Variants in ADAMTS19 observed in about 807,000 individuals in gnomAD.
ADAMTS19 encodes ADAM metallopeptidase with thrombospondin type 1 motif 19.
In ADAMTS19, 93 loss-of-function variants were observed where a neutral mutation model predicts 153.3. That is an observed-to-expected ratio of 0.61 (90% CI 0.51 to 0.72). The LOEUF (loss-of-function observed/expected upper bound fraction) is 0.72, where lower values mean the gene tolerates loss of function less well. Ranked by LOEUF, ADAMTS19 falls within the 30% of genes least tolerant of loss-of-function variation. ADAMTS19 has a pLI of 0.00. For missense variants in ADAMTS19, 1,482 were observed against 1,552.1 expected (o/e 0.95, Z 0.76); for synonymous variants, 600 against 556.6 (o/e 1.08, Z -1.10).
intron 14 of ADAMTS19, among the ~76,000 whole-genome samples, chr5:129,655,452 G>A (rs1177126151): frequency 5.3e-5 from 8 of 152,156 alleles, no homozygotes; most frequent in Non-Finnish European, 1.0e-4. Context: ...TGAGTGGAGT[G>A]GCACTGCATC....
At chr5:129,547,736 A>T (rs550357915) in intron 6 of ADAMTS19, among the ~76,000 whole-genome samples, 1 of 150,814 alleles carries the variant, frequency 6.6e-6, no homozygotes, top group South Asian at 2.1e-4. Flanking sequence ...AAGCCAAAAG[A>T]ACAAAGCTGG....
chr5:129,570,654 A>C (rs915262794), intron 7 of ADAMTS19, among the ~76,000 whole-genome samples: 57 of 151,780 alleles, frequency 3.8e-4, no homozygotes, highest in Non-Finnish European at 7.4e-4. Context: ...CGTATACACC[A>C]ATATTTCTCA....
At chr5:129,665,625 C>T (rs761811048) in intron 16 of ADAMTS19, 46 bp downstream of exon 16, 2 of 1,443,372 alleles carry the variant, frequency 1.4e-6, no homozygotes, top group East Asian at 2.4e-5. Context: ...ACGAGCCCAA[C>T]TCCCTGCCCT....
At chr5:129,708,987 T>G (rs1016482646) in intron 21 of ADAMTS19, among the ~76,000 whole-genome samples, 1 of 152,122 alleles carries the variant, frequency 6.6e-6, no homozygotes, top group African/African-American at 2.4e-5. Context: ...TGGGTATATA[T>G]TTGTTTAGAA....
At chr5:129,636,930 A>T (rs1487039817) in intron 10 of ADAMTS19, among the ~76,000 whole-genome samples, 1 of 152,242 alleles carries the variant, frequency 6.6e-6, no homozygotes, top group Non-Finnish European at 1.5e-5. Context: ...GATCTATAGA[A>T]GGTAAACACT....
At chr5:129,561,701 T>TA (rs1753524329) in intron 7 of ADAMTS19, among the ~76,000 whole-genome samples, 1 of 152,180 alleles carries the variant, frequency 6.6e-6, no homozygotes, top group Admixed American at 6.5e-5. Flanking sequence ...TGGTATATCT[T>TA]ACACTTTAAA....
intron 7 of ADAMTS19, among the ~76,000 whole-genome samples, chr5:129,563,754 A>C (rs1753604634): frequency 6.6e-6 from 1 of 152,224 alleles, no homozygotes; most frequent in African/African-American, 2.4e-5. Flanking sequence ...TCAGATATGC[A>C]AATAGAATAT....
chr5:129,464,937 C>G (rs1026758416), intron 2 of ADAMTS19, among the ~76,000 whole-genome samples: 4 of 152,086 alleles, frequency 2.6e-5, no homozygotes, highest in Non-Finnish European at 5.9e-5. Flanking sequence ...TTGAACAACT[C>G]TTATGACTAA....
intron 21 of ADAMTS19, among the ~76,000 whole-genome samples, chr5:129,714,425 CAAAA>C (rs397949658): frequency 2.0e-5 from 2 of 98,246 alleles, no homozygotes; most frequent in Non-Finnish European, 3.8e-5. Context: ...GACTCCGTCT[CAAAA>C]AAAAAAAAAA....
intron 6 of ADAMTS19, among the ~76,000 whole-genome samples, chr5:129,536,505 G>T (rs964148040): frequency 6.6e-6 from 1 of 152,180 alleles, no homozygotes; most frequent in Non-Finnish European, 1.5e-5. Flanking sequence ...TCAGTGTGGC[G>T]ATTCCTCAGG....
At chr5:129,510,150 T>A (rs555793188) in intron 3 of ADAMTS19, among the ~76,000 whole-genome samples, 72 of 151,980 alleles carry the variant, frequency 4.7e-4, no homozygotes, top group African/African-American at 1.7e-3. Flanking sequence ...AGATTTTAAT[T>A]GTCAATGTAG....
At chr5:129,523,869 G>A (rs1751910628) in intron 3 of ADAMTS19, among the ~76,000 whole-genome samples, 1 of 152,150 alleles carries the variant, frequency 6.6e-6, no homozygotes, top group Non-Finnish European at 1.5e-5. Flanking sequence ...AATCGATATT[G>A]TGAAAATGGC....
intron 15 of ADAMTS19, among the ~76,000 whole-genome samples, chr5:129,662,713 ATC>A (rs1474137129): frequency 4.6e-5 from 7 of 152,036 alleles, no homozygotes; most frequent in Non-Finnish European, 5.9e-5. Flanking sequence ...ATTAACAGTT[ATC>A]TCTTGATTGG....
intron 8 of ADAMTS19, among the ~76,000 whole-genome samples, chr5:129,604,799 G>T (rs1217271345): frequency 6.6e-6 from 1 of 152,112 alleles, no homozygotes; most frequent in Admixed American, 6.5e-5. Flanking sequence ...ACAATATTCT[G>T]TATTTTGAAA....
At chr5:129,633,805 G>A (rs1050033931) in intron 10 of ADAMTS19, among the ~76,000 whole-genome samples, 3 of 152,146 alleles carry the variant, frequency 2.0e-5, no homozygotes, top group African/African-American at 7.2e-5. Context: ...TGTGCTATTT[G>A]TAGTGCGTGT....
chr5:129,706,516 C>T (rs1165055707), intron 21 of ADAMTS19, among the ~76,000 whole-genome samples: 3 of 146,872 alleles, frequency 2.0e-5, no homozygotes, highest in Admixed American at 2.0e-4. Context: ...TTCCAGTGAG[C>T]CAAGATAACG....
chr5:129,716,741 T>A (rs1756748621), intron 21 of ADAMTS19, among the ~76,000 whole-genome samples: 1 of 151,982 alleles, frequency 6.6e-6, no homozygotes, highest in African/African-American at 2.4e-5. Flanking sequence ...AGAATTAGAG[T>A]AACAGTTTCC....
intron 20 of ADAMTS19, among the ~76,000 whole-genome samples, chr5:129,703,904 T>C (rs1345230751): frequency 6.6e-6 from 1 of 152,162 alleles, no homozygotes; most frequent in Admixed American, 6.5e-5. Flanking sequence ...TTTACATAAT[T>C]ATGTTTAAAA....
rs78886689 is a variant in ADAMTS19, at chr5:129,498,008, T to C, written c.748-11069T>C. Among the ~76,000 whole-genome samples, 436 of 152,194 alleles carry C rather than the reference T, an allele frequency of 2.9e-3. 3 individuals are homozygous for C. The highest frequency in any genetic ancestry group is 9.8e-3 in the African/African-American group (409 of 41,566). On this transcript the variant is annotated intron_variant, in intron 2 of 22. Transcript: ENST00000274487. ...CACTTCAAATAAAATCTAAATGGCT[T>C]AGGGTCTTGAGAGCTCTACATGAAT...
Sources: allele counts gnomAD v4.1 joint callset (sites outside exome capture counted in the v4.1 genomes callset), GRCh38; gene constraint gnomAD v4.1.1; transcripts MANE v1.5; gene names NCBI Gene and HGNC (gene_info 2026-07-23, HGNC 2026-07-21).